Variants in MICU3 observed in about 807,000 individuals in gnomAD.
MICU3 encodes the protein mitochondrial calcium uptake 3.
MICU3 carries 62 observed loss-of-function variants against 66.5 expected under a neutral mutation model. That is an observed-to-expected ratio of 0.93 (90% confidence interval 0.76 to 1.15). The LOEUF (loss-of-function observed/expected upper bound fraction) is 1.15, where lower values mean the gene tolerates loss of function less well. Ranked by LOEUF, MICU3 falls within the 50% of genes most tolerant of loss-of-function variation. The probability of loss-of-function intolerance (pLI) is 0.00; values close to 1 mark genes in which losing one functional copy is unlikely to be tolerated. For missense variants in MICU3, 779 were observed against 664.4 expected, an observed-to-expected ratio of 1.17 and a Z score of -1.90; for synonymous variants, 308 against 240.7, an observed-to-expected ratio of 1.28 and a Z score of -2.59.
chr8:17,092,572 T>C (rs1800188966), intron 8 of MICU3, among the ~76,000 whole-genome samples: 1 of 152,038 alleles, frequency 6.6e-6, no homozygotes, highest in Non-Finnish European at 1.5e-5. Flanking sequence ...TTGATGTCAT[T>C]TTTACATAGT....
Position 17,098,454 on chromosome 8 carries a change from A to G in MICU3, c.889-4A>G, listed in dbSNP as rs776012460. 1.1e-5 allele frequency: 17 copies of G among 1,582,880 alleles called. No individual in the cohort carries two copies. The highest frequency in any genetic ancestry group is 1.5e-5 in the Non-Finnish European group (17 of 1,152,192). On this transcript the variant is annotated splice_polypyrimidine_tract_variant and splice_region_variant and intron_variant, in intron 8 of 14. Transcript: ENST00000318063. ...TTCAGTTGTGCTTCTTAAAACTTCT[A>G]CAGGTACTTAAAACAGATGCTGAGG...
chr8:17,027,312 A>G lies in MICU3; in HGVS notation c.33A>G (p.Pro11=), dbSNP rs1414869534. ...CGCTGCGAAGGCTCTTGTGGCCGCC[A>G]CCCCGGGTGTCTCCTCCACTCTGCG... MAALRRLLWP[P]PRVSPPLCAH... is the part of the protein sequence containing the mutation. Residue 11 remains proline (P), a synonymous_variant, in exon 1 of 15, where the codon CCA becomes CCG. Coordinates refer to ENST00000318063, the MANE Select transcript of MICU3 (RefSeq NM_181723.3). 7.4e-7 allele frequency: 1 copy of G among 1,359,438 alleles called. No homozygotes were observed. The highest frequency in any genetic ancestry group is 1.6e-5 in the African/African-American group (1 of 62,414). 84.2% of individuals were successfully genotyped at this position (1,359,438 alleles called of 1,614,324 possible). A position where few individuals can be genotyped will look rare whatever the true frequency, so the allele number is the denominator to read the frequency against.
intron 7 of MICU3, among the ~76,000 whole-genome samples, chr8:17,089,569 T>C (rs985879066): frequency 2.6e-5 from 4 of 152,058 alleles, no homozygotes; most frequent in Non-Finnish European, 4.4e-5. Context: ...TGTGAAAATA[T>C]ATGAATTACA....
chr8:17,065,906 T>A (rs989149055), intron 2 of MICU3, among the ~76,000 whole-genome samples: 6 of 151,816 alleles, frequency 4.0e-5, no homozygotes, highest in Middle Eastern at 3.4e-3. Context: ...GATTTTAAAT[T>A]AAAAAAAAGA....
At chr8:17,035,999 C>A (rs117869108) in intron 1 of MICU3, among the ~76,000 whole-genome samples, 5 of 152,120 alleles carry the variant, frequency 3.3e-5, no homozygotes, top group Admixed American at 2.0e-4. Context: ...CCTTTGTGTC[C>A]GGAATTGATG....
intron 1 of MICU3, among the ~76,000 whole-genome samples, chr8:17,035,762 G>A (rs906869268): frequency 6.6e-6 from 1 of 152,176 alleles, no homozygotes; most frequent in South Asian, 2.1e-4. Context: ...GAGCATAAAA[G>A]TTCAGAAAGT....
chr8:17,112,303 T>G (rs561324383), intron 11 of MICU3, among the ~76,000 whole-genome samples: 45 of 152,326 alleles, frequency 3.0e-4, no homozygotes, highest in African/African-American at 9.9e-4. Context: ...TGTTTTATTT[T>G]TGTTAGCAGA....
intron 8 of MICU3, among the ~76,000 whole-genome samples, chr8:17,098,165 T>A (rs764459787): frequency 4.6e-5 from 7 of 151,686 alleles, no homozygotes; most frequent in Non-Finnish European, 8.9e-5. Context: ...TTCTTAGAAG[T>A]TACACACGTT....
At chr8:17,074,847 ATATT>A (rs1234255917) in intron 3 of MICU3, among the ~76,000 whole-genome samples, 8 of 152,042 alleles carry the variant, frequency 5.3e-5, no homozygotes, top group African/African-American at 1.9e-4. Flanking sequence ...AATTCAGCAA[ATATT>A]TATTTTCTAC....
At chr8:17,086,260 A>G (rs756603994) in intron 6 of MICU3, among the ~76,000 whole-genome samples, 3 of 152,144 alleles carry the variant, frequency 2.0e-5, no homozygotes, top group Non-Finnish European at 4.4e-5. Flanking sequence ...ACTCAGAGGA[A>G]GTCTATGACA....
At chr8:17,113,648 T>G (rs1176463133) in intron 11 of MICU3, among the ~76,000 whole-genome samples, 1 of 152,232 alleles carries the variant, frequency 6.6e-6, no homozygotes, top group Non-Finnish European at 1.5e-5. Context: ...ATAAAGACAT[T>G]CATGATCTAA....
chr8:17,086,754 A>G (rs1799512313), intron 6 of MICU3, among the ~76,000 whole-genome samples: 1 of 152,150 alleles, frequency 6.6e-6, no homozygotes, highest in African/African-American at 2.4e-5. Context: ...GACATTAAGT[A>G]CATTTAACTT....
intron 3 of MICU3, among the ~76,000 whole-genome samples, chr8:17,073,439 C>G (rs1468077881): frequency 1.3e-5 from 2 of 151,894 alleles, no homozygotes; most frequent in Admixed American, 6.6e-5. Flanking sequence ...TGATATGTCA[C>G]TGTCTCCCAT....
intron 1 of MICU3, among the ~76,000 whole-genome samples, chr8:17,032,949 C>T (rs1470193162): frequency 6.6e-6 from 1 of 151,970 alleles, no homozygotes; most frequent in Non-Finnish European, 1.5e-5. Flanking sequence ...GTAATTGTAC[C>T]ATGCACCATG....
intron 8 of MICU3, among the ~76,000 whole-genome samples, chr8:17,096,205 A>G (rs761158370): frequency 3.8e-4 from 58 of 152,026 alleles, no homozygotes; most frequent in Non-Finnish European, 6.3e-4. Context: ...CACAGCCATC[A>G]AAGTGTCCAG....
At position 17,120,742 on chromosome 8, in the gene MICU3, T is replaced by G. The variant is rs568347206; in HGVS notation, c.*455T>G. On this transcript the variant is annotated 3_prime_UTR_variant, in exon 15 of 15. Transcript: ENST00000318063. ...CTTATTTTCAGAGATGAATATTGCT[T>G]GAGATTTATAATACCCTTAGAATTA... is the stretch of plus-strand genomic sequence containing the variant. 187 of 152,602 alleles carry G rather than the reference T, an allele frequency of 1.2e-3. No homozygotes were observed. Among genetic ancestry groups the G allele is most frequent in the African/African-American group, 4.3e-3 (179 of 41,570 alleles). 9.5% of individuals were successfully genotyped at this position (152,602 alleles called of 1,614,324 possible).
chr8:17,040,242 C>G (rs1346029710), intron 1 of MICU3, among the ~76,000 whole-genome samples: 4 of 152,250 alleles, frequency 2.6e-5, no homozygotes, highest in African/African-American at 9.6e-5. Context: ...ATTTTTAAAG[C>G]TTCTTTGAGG....
intron 1 of MICU3, among the ~76,000 whole-genome samples, chr8:17,031,589 T>G (rs1162267195): frequency 6.6e-6 from 1 of 151,948 alleles, no homozygotes; most frequent in East Asian, 1.9e-4. Flanking sequence ...CCCAGCCCAT[T>G]TATTATTTTT....
At chr8:17,133,459 T>C in the MICU3 span, among the ~76,000 whole-genome samples, 6 of 152,208 alleles carry the variant, frequency 3.9e-5, no homozygotes, top group Non-Finnish European at 8.8e-5. Context: ...TCCTATAAGT[T>C]GCACGTATTC....
Sources: allele counts gnomAD v4.1 joint callset (sites outside exome capture counted in the v4.1 genomes callset), GRCh38; gene constraint gnomAD v4.1.1; transcripts MANE v1.5; gene names NCBI Gene and HGNC (gene_info 2026-07-23, HGNC 2026-07-21).